Variants in FRMD4B observed in about 807,000 individuals in gnomAD.
FRMD4B encodes the protein FERM domain containing 4B, also known as FERM domain-containing protein 4B.
FRMD4B carries 74 observed loss-of-function variants against 141.5 expected under a neutral mutation model. The observed-to-expected ratio is 0.52, with a 90% CI of 0.43 to 0.63. The LOEUF (loss-of-function observed/expected upper bound fraction) is 0.63. FRMD4B is among the 30% of genes least tolerant of loss of function. The pLI, the probability that FRMD4B is intolerant of heterozygous loss-of-function variation, is 0.00. For missense variants in FRMD4B, 1,366 were observed against 1,253.4 expected (o/e 1.09, Z -1.36); for synonymous variants, 506 against 467.9 (o/e 1.08, Z -1.05).
At position 69,385,765 on chromosome 3, in the gene FRMD4B, C is replaced by T. The variant is rs912378616; in HGVS notation, c.162+63G>A. On this transcript the variant is annotated intron_variant, in intron 1 of 22. Transcript: ENST00000398540. ...GGGGAATAAAATCATACAGGTGGAGCCTGCTTCCCACGAGTGCCCGGCATC... is the reference window on the plus strand; with the variant it reads ...GGGGAATAAAATCATACAGGTGGAGTCTGCTTCCCACGAGTGCCCGGCATC... The T allele has an allele frequency of 5.8e-6, 8 of 1,370,886 alleles. No individual in the cohort carries two copies. The East Asian group carries it at 8.2e-5, about 14-fold the overall frequency. 84.9% of individuals were successfully genotyped at this position (1,370,886 alleles called of 1,614,324 possible).
At chr3:69,307,894 C>T (rs1701445843) in intron 3 of FRMD4B, among the ~76,000 whole-genome samples, 1 of 152,218 alleles carries the variant, frequency 6.6e-6, no homozygotes, top group Admixed American at 6.5e-5. Context: ...TAACAAGGCT[C>T]ACCTATGATC....
intron 1 of FRMD4B, among the ~76,000 whole-genome samples, chr3:69,498,986 A>G (rs1219121398): frequency 3.3e-5 from 5 of 152,202 alleles, no homozygotes; most frequent in Non-Finnish European, 5.9e-5. Flanking sequence ...ATAAAACAGG[A>G]CAGTGTGATA....
At chr3:69,503,947 C>T (rs1249763224) in intron 1 of FRMD4B, among the ~76,000 whole-genome samples, 1 of 152,078 alleles carries the variant, frequency 6.6e-6, no homozygotes, top group Non-Finnish European at 1.5e-5. Context: ...CTTAGCCCAG[C>T]ACATCAGTAC....
intron 1 of FRMD4B, among the ~76,000 whole-genome samples, chr3:69,521,486 A>G (rs888493741): frequency 6.6e-6 from 1 of 152,180 alleles, no homozygotes; most frequent in Admixed American, 6.5e-5. Context: ...TGCATTCATC[A>G]TTTCCTAACT....
chr3:69,313,652 G>A (rs941837628), intron 1 of FRMD4B, 135 bp from the exon 2 acceptor site: 4 of 619,834 alleles, frequency 6.5e-6, no homozygotes, highest in African/African-American at 3.7e-5. Flanking sequence ...AAACAGGCTT[G>A]GCCAAAAACA....
At chr3:69,510,178 A>T (rs1242138975) in intron 1 of FRMD4B, among the ~76,000 whole-genome samples, 1 of 152,092 alleles carries the variant, frequency 6.6e-6, no homozygotes, top group East Asian at 1.9e-4. Flanking sequence ...CATAATCCCT[A>T]TAGAATACTT....
At chr3:69,536,362 G>T in intron 1 of FRMD4B, 1 of 688,346 alleles carries the variant, frequency 1.5e-6, no homozygotes. Flanking sequence ...GGAGTTGAGG[G>T]GCCTGGCGAG....
rs529613837 is a variant in FRMD4B at position 69,437,223 on chromosome 3, C to T, written c.-128-4462G>A. ...GAGTAGCTGGGACCACAGGCACGCG[C>T]CACCATGCCCAGCTTTTTAAAAAAA... On this transcript the variant is annotated intron_variant, in intron 1 of 5. Transcript: ENST00000459638. Among the ~76,000 whole-genome samples the T allele has an allele frequency of 1.3e-4, 20 of 152,066 alleles. No homozygotes were observed. The South Asian group carries it at 3.1e-3, about 24-fold the overall frequency.
intron 1 of FRMD4B, among the ~76,000 whole-genome samples, chr3:69,330,427 A>C (rs1245527207): frequency 1.5e-5 from 2 of 136,438 alleles, no homozygotes; most frequent in Non-Finnish European, 1.5e-5. Context: ...GCTTACTGCA[A>C]CCTCTGCCTC....
chr3:69,296,048 C>T (rs1223853292), intron 4 of FRMD4B, among the ~76,000 whole-genome samples: 3 of 152,124 alleles, frequency 2.0e-5, no homozygotes, highest in African/African-American at 7.2e-5. Context: ...AACTCCTGAC[C>T]TTGTGATCCA....
rs541063186 is a variant in FRMD4B, at chr3:69,329,118, G to A, written c.163-15601C>T. ...CCAGCATACCAGTGGAGAAAGTGAT[G>A]GTCAGAACACTCAGGATGTGGAGGC... On this transcript the variant is annotated intron_variant, in intron 1 of 22. Transcript: ENST00000398540. 4.6e-5 allele frequency among the ~76,000 whole-genome samples: 7 copies of A among 152,252 alleles called. No homozygotes were observed. The South Asian group carries it at 1.5e-3, about 32-fold the overall frequency.
intron 1 of FRMD4B, chr3:69,535,953 GC>G: frequency 2.6e-6 from 1 of 390,782 alleles, no homozygotes; most frequent in South Asian, 2.0e-5. Flanking sequence ...GTGGTCCCCA[GC>G]ATCTCCTTGG....
At chr3:69,333,244 CTGGTTTTTTTGGCTTG>C (rs1461686232) in intron 1 of FRMD4B, among the ~76,000 whole-genome samples, 1 of 152,198 alleles carries the variant, frequency 6.6e-6, no homozygotes, top group East Asian at 1.9e-4. Flanking sequence ...ATAAAAATCT[CTGGTTTTTTTGGCTTG>C]TGAACTATTC....
At chr3:69,329,661 G>A (rs1702302675) in intron 1 of FRMD4B, among the ~76,000 whole-genome samples, 1 of 150,796 alleles carries the variant, frequency 6.6e-6, no homozygotes, top group African/African-American at 2.4e-5. Flanking sequence ...CCGAGTAGCT[G>A]GGATTACAGG....
intron 2 of FRMD4B, among the ~76,000 whole-genome samples, chr3:69,398,777 C>G (rs1704512111): frequency 6.6e-6 from 1 of 152,134 alleles, no homozygotes; most frequent in South Asian, 2.1e-4. Context: ...ATCTTAACCC[C>G]ACAGGAAAGC....
At chr3:69,332,035 T>A (rs1226957810) in intron 1 of FRMD4B, among the ~76,000 whole-genome samples, 1 of 152,052 alleles carries the variant, frequency 6.6e-6, no homozygotes, top group Non-Finnish European at 1.5e-5. Context: ...TAAAGTCAGC[T>A]GAGATCACGC....
At chr3:69,417,435 C>G (rs1007406216) in intron 2 of FRMD4B, among the ~76,000 whole-genome samples, 10 of 152,112 alleles carry the variant, frequency 6.6e-5, no homozygotes, top group Admixed American at 4.6e-4. Context: ...TTTGTAGATT[C>G]TGGATATTAG....
At chr3:69,371,851 G>A (rs924504429) in intron 1 of FRMD4B, among the ~76,000 whole-genome samples, 2 of 152,122 alleles carry the variant, frequency 1.3e-5, no homozygotes, top group African/African-American at 4.8e-5. Context: ...CCACTGCCTC[G>A]ACCAGGCCTA....
chr3:69,206,759 T>C (rs1050804527), intron 11 of FRMD4B, among the ~76,000 whole-genome samples: 1 of 152,204 alleles, frequency 6.6e-6, no homozygotes, highest in African/African-American at 2.4e-5. Context: ...TATTGGCAGG[T>C]ACTTGATGGC....
Sources: allele counts gnomAD v4.1 joint callset (sites outside exome capture counted in the v4.1 genomes callset), GRCh38; gene constraint gnomAD v4.1.1; transcripts MANE v1.5; gene names NCBI Gene and HGNC (gene_info 2026-07-23, HGNC 2026-07-21).